TSPAN15: variants seen among roughly 807,000 people sequenced by gnomAD.
TSPAN15 encodes tetraspanin-15.
A neutral mutation model predicts 34.5 loss-of-function variants in TSPAN15; 20 were observed. That is an observed-to-expected ratio of 0.58 (90% confidence interval 0.41 to 0.84). TSPAN15 has a LOEUF of 0.84. TSPAN15 is among the 40% of genes least tolerant of loss of function. The probability of loss-of-function intolerance (pLI) is 0.00; values close to 1 mark genes in which losing one functional copy is unlikely to be tolerated. For synonymous variants in TSPAN15, 155 were observed against 153.9 expected (o/e 1.01, Z -0.05); for missense variants, 313 against 386.1 (o/e 0.81, Z 1.59).
the TSPAN15 span, among the ~76,000 whole-genome samples, chr10:69,541,577 C>T: frequency 6.6e-6 from 1 of 152,248 alleles, no homozygotes; most frequent in Non-Finnish European, 1.5e-5. Flanking sequence ...TCCATCCCCA[C>T]ATTTCCCTTC....
At chr10:69,518,687 G>T in the TSPAN15 span, among the ~76,000 whole-genome samples, 4 of 152,198 alleles carry the variant, frequency 2.6e-5, no homozygotes, top group Admixed American at 6.5e-5. Flanking sequence ...CTCCTAAAGT[G>T]CTGGGATTAC....
chr10:69,531,806 A>G, the TSPAN15 span, among the ~76,000 whole-genome samples: 342 of 152,314 alleles, frequency 2.2e-3, 2 homozygotes, highest in African/African-American at 7.9e-3. Flanking sequence ...AAAATCCAGC[A>G]TCACTTTACA....
rs899508434 is a variant in TSPAN15, at chr10:69,455,598, T to C, written c.96+3908T>C. Among the ~76,000 whole-genome samples the C allele has an allele frequency of 1.2e-3, 136 of 112,130 alleles. 1 individual carries two copies. Among genetic ancestry groups the C allele is most frequent in the South Asian group, 8.7e-3 (30 of 3,460 alleles). 73.6% of individuals were successfully genotyped at this position (112,130 alleles called of 152,430 possible). A position where few individuals can be genotyped will look rare whatever the true frequency, so the allele number is the denominator to read the frequency against. On this transcript the variant is annotated intron_variant, in intron 1 of 7. Coordinates refer to ENST00000373290, the MANE Select transcript of TSPAN15 (RefSeq NM_012339.5). Reference sequence around the variant, plus strand: ...CTTTTCTTTCTTTCTTTCTCTTTCTTTCTTTCTTTCTCTCTCTCTCTCTCT... The same window carrying C: ...CTTTTCTTTCTTTCTTTCTCTTTCTCTCTTTCTTTCTCTCTCTCTCTCTCT...
In TSPAN15 at chr10:69,495,699, G is replaced by T. The variant is rs1001279861; in HGVS notation, c.453+10G>T. The stretch of plus-strand genomic sequence containing the variant: ...CTTTGTTCAGAAAAAGGTGAGCCAG[G>T]CGCTTTGGGGTAGAGATGCGCCTCC... On this transcript the variant is annotated intron_variant, in intron 4 of 7. Coordinates refer to ENST00000373290, the MANE Select transcript of TSPAN15 (RefSeq NM_012339.5). 8.1e-6 allele frequency: 13 copies of T among 1,606,002 alleles called. No individual in the cohort carries two copies. Among genetic ancestry groups the T allele is most frequent in the Non-Finnish European group, 1.1e-5 (13 of 1,172,658 alleles).
chr10:69,515,255 CT>C, the TSPAN15 span, among the ~76,000 whole-genome samples: 1 of 152,208 alleles, frequency 6.6e-6, no homozygotes, highest in African/African-American at 2.4e-5. Flanking sequence ...CCTCATCTGT[CT>C]TTTCTATCCA....
chr10:69,472,137 T>C (rs754220004), intron 1 of TSPAN15, among the ~76,000 whole-genome samples: 7 of 152,128 alleles, frequency 4.6e-5, no homozygotes, highest in Non-Finnish European at 1.0e-4. Context: ...GCTTAACCCA[T>C]GAGACCTGGC....
At chr10:69,482,965 A>G (rs75491259) in intron 1 of TSPAN15, among the ~76,000 whole-genome samples, 27 of 151,130 alleles carry the variant, frequency 1.8e-4, no homozygotes, top group African/African-American at 6.3e-4. Context: ...GGCAGGGTTG[A>G]TTTTTTTTTT....
intron 1 of TSPAN15, among the ~76,000 whole-genome samples, chr10:69,470,211 C>T (rs917083627): frequency 6.6e-6 from 1 of 152,178 alleles, no homozygotes; most frequent in Non-Finnish European, 1.5e-5. Context: ...ACATTTCCTG[C>T]AGGAGCATTT....
intron 4 of TSPAN15, among the ~76,000 whole-genome samples, chr10:69,497,687 G>A (rs1842116308): frequency 6.6e-6 from 1 of 152,150 alleles, no homozygotes; most frequent in South Asian, 2.1e-4. Context: ...CCAGTGCCCA[G>A]GACAATGCCA....
the TSPAN15 span, among the ~76,000 whole-genome samples, chr10:69,541,185 C>A: frequency 1.3e-5 from 2 of 152,002 alleles, no homozygotes; most frequent in African/African-American, 4.8e-5. Flanking sequence ...TCACTGGGGG[C>A]AGTTCATACT....
At chr10:69,500,470 C>T (rs757065031) in intron 5 of TSPAN15, among the ~76,000 whole-genome samples, 49 of 152,124 alleles carry the variant, frequency 3.2e-4, no homozygotes, top group Non-Finnish European at 5.9e-4. Context: ...ATTATGGAGG[C>T]GGGCAAGTCC....
At chr10:69,451,939 G>A (rs1840980089) in intron 1 of TSPAN15, among the ~76,000 whole-genome samples, 1 of 152,210 alleles carries the variant, frequency 6.6e-6, no homozygotes. Context: ...TGTGTGCACC[G>A]GCTGGGCGGT....
chr10:69,521,325 C>T, the TSPAN15 span, among the ~76,000 whole-genome samples: 1 of 148,310 alleles, frequency 6.7e-6, no homozygotes, highest in Non-Finnish European at 1.5e-5. Context: ...GCCTGGCCAA[C>T]ATGGCGAAAC....
the TSPAN15 span, among the ~76,000 whole-genome samples, chr10:69,544,539 G>A: frequency 1.3e-5 from 2 of 152,206 alleles, no homozygotes; most frequent in Non-Finnish European, 2.9e-5. Context: ...TATGCCTCCA[G>A]GTCTTCCACA....
chr10:69,454,940 G>A (rs915125291), intron 1 of TSPAN15, among the ~76,000 whole-genome samples: 9 of 152,146 alleles, frequency 5.9e-5, no homozygotes, highest in Non-Finnish European at 8.8e-5. Flanking sequence ...TGAGGCGGGC[G>A]GATCGTGAGG....
intron 5 of TSPAN15, among the ~76,000 whole-genome samples, 198 bp downstream of exon 5, chr10:69,498,594 A>T (rs190782336): frequency 4.1e-4 from 62 of 152,154 alleles, no homozygotes; most frequent in Middle Eastern, 3.4e-3. Context: ...GGGTAGGGAG[A>T]CCATGTCTTT....
chr10:69,544,226 T>A, the TSPAN15 span, among the ~76,000 whole-genome samples: 1 of 152,250 alleles, frequency 6.6e-6, no homozygotes, highest in Admixed American at 6.5e-5. Context: ...AATCCCTTTT[T>A]GAAACATTTA....
Position 69,451,589 on chromosome 10 carries a change from C to G in TSPAN15, c.-6C>G. On this transcript the variant is annotated 5_prime_UTR_variant, in exon 1 of 8. Coordinates refer to ENST00000373290, the MANE Select transcript of TSPAN15 (RefSeq NM_012339.5). ...GCCCCCGTAACCCGCGCGGGGAGCG[C>G]CCAGGATGCCGCGCGGGGACTCGGA... The G allele has an allele frequency of 6.7e-7, 1 of 1,483,366 alleles. No individual in the cohort carries two copies. The highest frequency in any genetic ancestry group is 9.0e-7 in the Non-Finnish European group (1 of 1,113,844). 91.9% of individuals were successfully genotyped at this position (1,483,366 alleles called of 1,614,324 possible). A position where few individuals can be genotyped will look rare whatever the true frequency, so the allele number is the denominator to read the frequency against.
the TSPAN15 span, among the ~76,000 whole-genome samples, chr10:69,512,903 ATG>A: frequency 6.6e-6 from 1 of 152,242 alleles, no homozygotes; most frequent in Non-Finnish European, 1.5e-5. Context: ...ATACTTGTGC[ATG>A]TGTCTTTATA....
Sources: allele counts gnomAD v4.1 joint callset (sites outside exome capture counted in the v4.1 genomes callset), GRCh38; gene constraint gnomAD v4.1.1; transcripts MANE v1.5; gene names NCBI Gene and HGNC (gene_info 2026-07-23, HGNC 2026-07-21).